RFX3: variants seen among roughly 807,000 people sequenced by gnomAD.
The protein encoded by RFX3 is transcription factor RFX3.
A neutral mutation model predicts 98.6 loss-of-function variants in RFX3; 14 were observed. The ratio of observed to expected loss-of-function variants is 0.14; its 90% CI spans 0.09 to 0.22. RFX3 has a LOEUF of 0.22. Among genes scored for constraint, RFX3 ranks in the 10% least tolerant of loss-of-function variants. The probability of loss-of-function intolerance (pLI) is 1.00; values close to 1 mark genes in which losing one functional copy is unlikely to be tolerated. For missense variants in RFX3, 639 were observed against 926.9 expected (o/e 0.69, Z 4.03); for synonymous variants, 383 against 328.4 (o/e 1.17, Z -1.80).
chr9:3,252,257 C>T (rs948927202), intron 14 of RFX3, among the ~76,000 whole-genome samples: 2 of 152,106 alleles, frequency 1.3e-5, no homozygotes, highest in African/African-American at 4.8e-5. Context: ...TCCTACTCTG[C>T]GGCAGGGTCT....
intron 15 of RFX3, among the ~76,000 whole-genome samples, chr9:3,234,609 A>T (rs1467579023): frequency 6.6e-6 from 1 of 152,214 alleles, no homozygotes; most frequent in African/African-American, 2.4e-5. Context: ...ACTGTACTCC[A>T]GCCTGGGTGA....
At chr9:3,234,093 C>G (rs1818825923) in intron 15 of RFX3, among the ~76,000 whole-genome samples, 1 of 152,098 alleles carries the variant, frequency 6.6e-6, no homozygotes, top group Non-Finnish European at 1.5e-5. Context: ...TTTATATGTC[C>G]AAGTCTAATA....
chr9:3,393,697 T>C lies in RFX3; in HGVS notation c.117+1775A>G, dbSNP rs573231821. On this transcript the variant is annotated intron_variant, in intron 2 of 16. Transcript: ENST00000617270. ...AATAACAGAGCCTTTTAAATCACCA[T>C]TGTGAAGATTCATTTTTAATGGTTA... Among the ~76,000 whole-genome samples, 364 of 152,058 alleles carry C rather than the reference T, an allele frequency of 2.4e-3. 14 individuals carry two copies. The highest frequency in any genetic ancestry group is 8.3e-3 in the African/African-American group (344 of 41,368).
chr9:3,282,131 A>G (rs910639972), intron 7 of RFX3, among the ~76,000 whole-genome samples: 1 of 151,758 alleles, frequency 6.6e-6, no homozygotes, highest in African/African-American at 2.4e-5. Flanking sequence ...GAATCTTGTA[A>G]TCTCTTTGGA....
At chr9:3,257,414 C>T (rs1822279754) in intron 13 of RFX3, among the ~76,000 whole-genome samples, 1 of 152,088 alleles carries the variant, frequency 6.6e-6, no homozygotes, top group Non-Finnish European at 1.5e-5. Context: ...CACTCTGGTA[C>T]ACAGAAAAGT....
At chr9:3,503,137 C>A (rs1375351084) in intron 1 of RFX3, among the ~76,000 whole-genome samples, 1 of 152,034 alleles carries the variant, frequency 6.6e-6, no homozygotes, top group Non-Finnish European at 1.5e-5. Flanking sequence ...TCAGAAATAA[C>A]CAGGTACTCG....
chr9:3,344,799 T>A, intron 3 of RFX3: 1 of 703,414 alleles, frequency 1.4e-6, no homozygotes, highest in Non-Finnish European at 2.6e-6. Flanking sequence ...GTGGCAGGCG[T>A]CTTTTTCATT....
At chr9:3,289,912 T>C (rs1827116492) in intron 6 of RFX3, among the ~76,000 whole-genome samples, 1 of 152,134 alleles carries the variant, frequency 6.6e-6, no homozygotes, top group Non-Finnish European at 1.5e-5. Context: ...ATAGATAATA[T>C]TAATAATAGT....
intron 15 of RFX3, among the ~76,000 whole-genome samples, chr9:3,237,171 T>C (rs1819273987): frequency 6.6e-6 from 1 of 152,246 alleles, no homozygotes; most frequent in Admixed American, 6.5e-5. Flanking sequence ...ATTATGTTTA[T>C]GCTTCTTCTC....
intron 1 of RFX3, among the ~76,000 whole-genome samples, chr9:3,499,585 T>C (rs76055941): frequency 0.03 from 4,623 of 152,160 alleles, 231 homozygotes; most frequent in African/African-American, 0.1. Flanking sequence ...ATAAATGAAA[T>C]ACTGTTAAGT....
intron 4 of RFX3, among the ~76,000 whole-genome samples, chr9:3,318,883 T>C (rs113139048): frequency 6.6e-6 from 1 of 152,156 alleles, no homozygotes; most frequent in African/African-American, 2.4e-5. Flanking sequence ...GGATGCTGGG[T>C]TGAAATCAAG....
At chr9:3,520,183 A>C (rs1184374150) in intron 1 of RFX3, among the ~76,000 whole-genome samples, 1 of 152,184 alleles carries the variant, frequency 6.6e-6, no homozygotes, top group South Asian at 2.1e-4. Context: ...AAAATGCCTA[A>C]CCTATTTTAG....
intron 1 of RFX3, among the ~76,000 whole-genome samples, chr9:3,511,782 TTTC>T (rs1280904819): frequency 6.6e-6 from 1 of 152,086 alleles, no homozygotes; most frequent in African/African-American, 2.4e-5. Context: ...ACTTTCTCCC[TTTC>T]TTAACAATGG....
chr9:3,360,271 T>TA (rs200858827), intron 2 of RFX3, among the ~76,000 whole-genome samples: 201 of 150,800 alleles, frequency 1.3e-3, no homozygotes, highest in East Asian at 5.6e-3. Context: ...ACTTTAAAAT[T>TA]AAAAAAAAAC....
chr9:3,474,472 G>GT (rs1391133786), intron 1 of RFX3, among the ~76,000 whole-genome samples: 1 of 152,120 alleles, frequency 6.6e-6, no homozygotes, highest in Non-Finnish European at 1.5e-5. Flanking sequence ...AGGAAATTCC[G>GT]TGATTGTCTC....
intron 15 of RFX3, among the ~76,000 whole-genome samples, chr9:3,235,238 C>G (rs577172492): frequency 8.8e-4 from 134 of 152,276 alleles, no homozygotes; most frequent in African/African-American, 2.9e-3. Flanking sequence ...AAGAGAGAGT[C>G]TAATATAGAA....
At chr9:3,411,593 A>C (rs1455699727) in intron 1 of RFX3, among the ~76,000 whole-genome samples, 1 of 151,762 alleles carries the variant, frequency 6.6e-6, no homozygotes, top group Admixed American at 6.6e-5. Context: ...CTCCCACCCC[A>C]GCCTCCCGAG....
rs149901339 is a variant in RFX3 at position 3,332,131 on chromosome 9, A to G, written c.216-1614T>C. 3.9e-5 allele frequency among the ~76,000 whole-genome samples: 6 copies of G among 152,174 alleles called. No individual in the cohort carries two copies. In the East Asian group the frequency reaches 1.2e-3, roughly 29 times the overall value. On this transcript the variant is annotated intron_variant, in intron 3 of 16. Coordinates refer to ENST00000617270, the MANE Select transcript of RFX3 (RefSeq NM_001282116.2). ...TTTTCCAATTCTCTTTTCCATTATC[A>G]TACACACTACCTTAATTCATAATGT... is the stretch of plus-strand genomic sequence containing the variant.
At chr9:3,385,791 C>T (rs1035923657) in intron 2 of RFX3, among the ~76,000 whole-genome samples, 6 of 151,866 alleles carry the variant, frequency 4.0e-5, no homozygotes, top group Non-Finnish European at 7.4e-5. Flanking sequence ...ATAGTTTAAG[C>T]CTTTTCTAAC....
Sources: allele counts gnomAD v4.1 joint callset (sites outside exome capture counted in the v4.1 genomes callset), GRCh38; gene constraint gnomAD v4.1.1; transcripts MANE v1.5; gene names NCBI Gene and HGNC (gene_info 2026-07-23, HGNC 2026-07-21).